BRINP3: variants seen among roughly 807,000 people sequenced by gnomAD.
BRINP3 encodes BMP/retinoic acid-inducible neural-specific protein 3.
Under a neutral mutation model 71.0 loss-of-function variants are expected in BRINP3, and 19 were observed. That is an observed-to-expected ratio of 0.27 (90% CI 0.19 to 0.39). The LOEUF is 0.39. Ranked by LOEUF, BRINP3 falls within the 10% of genes least tolerant of loss-of-function variation. The pLI is 1.00. For missense variants in BRINP3, 959 were observed against 940.8 expected (o/e 1.02, Z -0.25); for synonymous variants, 380 against 337.7 (o/e 1.13, Z -1.37).
At chr1:190,193,455 G>C (rs1247680594) in intron 6 of BRINP3, among the ~76,000 whole-genome samples, 1 of 152,026 alleles carries the variant, frequency 6.6e-6, no homozygotes, top group African/African-American at 2.4e-5. Flanking sequence ...AGTATAAAGA[G>C]AGTTATCAGT....
chr1:190,476,459 G>T (rs553354850), intron 1 of BRINP3, among the ~76,000 whole-genome samples: 70 of 152,172 alleles, frequency 4.6e-4, no homozygotes, highest in Non-Finnish European at 9.1e-4. Flanking sequence ...CTCATTATGT[G>T]TCAATTGTGA....
At chr1:190,403,536 T>C (rs555249199) in intron 2 of BRINP3, among the ~76,000 whole-genome samples, 21 of 152,288 alleles carry the variant, frequency 1.4e-4, no homozygotes, top group Non-Finnish European at 2.6e-4. Context: ...AGCCAAATGG[T>C]TTTATTCTAT....
chr1:190,289,051 G>T (rs1663653951), intron 2 of BRINP3, among the ~76,000 whole-genome samples: 1 of 151,528 alleles, frequency 6.6e-6, no homozygotes, highest in African/African-American at 2.4e-5. Context: ...TTATGTGAAG[G>T]TAACTAACCA....
In BRINP3 at chr1:190,410,334, T is replaced by C. The variant is rs1672581569; in HGVS notation, c.236+44321A>G. ...AATATTATTGCCTGTCATTAAGATA[T>C]GGAGACTGGGGGGAAAGGTGTTTTT... On this transcript the variant is annotated intron_variant, in intron 2 of 7. Coordinates refer to ENST00000367462, the MANE Select transcript of BRINP3 (RefSeq NM_199051.3). Among the ~76,000 whole-genome samples the C allele has an allele frequency of 2.0e-5, 3 of 152,102 alleles. No homozygotes were observed. In the South Asian group the frequency reaches 6.2e-4, roughly 31 times the overall value.
intron 2 of BRINP3, among the ~76,000 whole-genome samples, chr1:190,415,865 C>T (rs937266635): frequency 6.6e-5 from 10 of 152,164 alleles, no homozygotes; most frequent in African/African-American, 2.4e-4. Context: ...TATAACACCA[C>T]CACTGTCCGC....
intron 6 of BRINP3, among the ~76,000 whole-genome samples, chr1:190,222,983 A>C (rs2102690899): frequency 6.6e-6 from 1 of 152,036 alleles, no homozygotes; most frequent in East Asian, 1.9e-4. Context: ...AAGAAATAAA[A>C]AAAAAATTAA....
intron 2 of BRINP3, among the ~76,000 whole-genome samples, chr1:190,431,384 C>T (rs186954262): frequency 1.4e-3 from 219 of 151,956 alleles, no homozygotes; most frequent in Non-Finnish European, 2.5e-3. Context: ...TTTTAGACGG[C>T]GACTCTCTCT....
intron 2 of BRINP3, among the ~76,000 whole-genome samples, chr1:190,439,775 C>T (rs1674696449): frequency 6.6e-6 from 1 of 151,804 alleles, no homozygotes. Flanking sequence ...ATTATATTAA[C>T]CTCTTATAAT....
At chr1:190,146,067 G>A (rs984059179) in intron 7 of BRINP3, among the ~76,000 whole-genome samples, 2 of 152,016 alleles carry the variant, frequency 1.3e-5, no homozygotes, top group African/African-American at 4.8e-5. Flanking sequence ...AGTTAAAAGG[G>A]GAGTGAGGGA....
intron 6 of BRINP3, among the ~76,000 whole-genome samples, chr1:190,209,970 AGTTT>A (rs1293517803): frequency 5.9e-5 from 9 of 152,236 alleles, no homozygotes; most frequent in Non-Finnish European, 1.2e-4. Context: ...ACTACTTGTT[AGTTT>A]GTCATTATAA....
intron 2 of BRINP3, among the ~76,000 whole-genome samples, chr1:190,404,556 A>G (rs887022268): frequency 6.6e-6 from 1 of 152,206 alleles, no homozygotes; most frequent in Non-Finnish European, 1.5e-5. Flanking sequence ...TAACCAATGT[A>G]AGAAAACATG....
At chr1:190,250,393 T>C (rs1660025177) in intron 4 of BRINP3, among the ~76,000 whole-genome samples, 1 of 152,000 alleles carries the variant, frequency 6.6e-6, no homozygotes, top group Admixed American at 6.6e-5. Context: ...AAATATGATG[T>C]CTTTTTTAAC....
chr1:190,293,542 C>T (rs1466334533), intron 2 of BRINP3, among the ~76,000 whole-genome samples: 1 of 152,124 alleles, frequency 6.6e-6, no homozygotes, highest in Non-Finnish European at 1.5e-5. Context: ...TCCATTTGGT[C>T]TGGAGCATAG....
intron 2 of BRINP3, among the ~76,000 whole-genome samples, chr1:190,395,970 GA>G (rs1276876478): frequency 6.7e-6 from 1 of 148,322 alleles, no homozygotes; most frequent in Non-Finnish European, 1.5e-5. Flanking sequence ...AGAGCAGAAG[GA>G]AAGAAGGAAG....
At chr1:190,165,474 G>GTT (rs1651442246) in intron 6 of BRINP3, among the ~76,000 whole-genome samples, 1 of 97,354 alleles carries the variant, frequency 1.0e-5, no homozygotes, top group Non-Finnish European at 1.9e-5. Context: ...GTGTGTGTGT[G>GTT]TGTGTGTGTG....
chr1:190,229,924 T>G (rs1657797145), intron 5 of BRINP3, among the ~76,000 whole-genome samples: 1 of 151,800 alleles, frequency 6.6e-6, no homozygotes, highest in African/African-American at 2.4e-5. Context: ...TTAATTTCAA[T>G]CACATGATCA....
chr1:190,155,086 C>A (rs939500279), intron 7 of BRINP3, among the ~76,000 whole-genome samples: 2 of 151,934 alleles, frequency 1.3e-5, no homozygotes, highest in Non-Finnish European at 2.9e-5. Context: ...ATAATAAGTT[C>A]TTTTGTTATT....
chr1:190,201,946 G>A (rs142946063), intron 6 of BRINP3, among the ~76,000 whole-genome samples: 352 of 152,240 alleles, frequency 2.3e-3, no homozygotes, highest in Non-Finnish European at 3.1e-3. Context: ...GAAATGTGGC[G>A]TCAGAGGATC....
At chr1:190,169,606 G>A (rs1335397467) in intron 6 of BRINP3, among the ~76,000 whole-genome samples, 2 of 152,100 alleles carry the variant, frequency 1.3e-5, no homozygotes, top group Admixed American at 1.3e-4. Context: ...ATAATTTGTA[G>A]TTCAACAAGA....
Sources: allele counts gnomAD v4.1 joint callset (sites outside exome capture counted in the v4.1 genomes callset), GRCh38; gene constraint gnomAD v4.1.1; transcripts MANE v1.5; gene names NCBI Gene and HGNC (gene_info 2026-07-23, HGNC 2026-07-21).